The following CELSR1 variants were observed in gnomAD, a reference collection of about 807,000 sequenced individuals.
CELSR1 encodes adhesion G protein-coupled receptor C1.
In CELSR1, 110 loss-of-function variants were observed where a neutral mutation model predicts 249.1. The ratio of observed to expected loss-of-function variants is 0.44; its 90% CI spans 0.38 to 0.52. The LOEUF is 0.52. Ranked by LOEUF, CELSR1 falls within the 20% of genes least tolerant of loss-of-function variation. CELSR1 has a pLI of 0.00. For synonymous variants in CELSR1, 2,113 were observed against 1,900.0 expected (o/e 1.11, Z -2.92); for missense variants, 4,109 against 4,296.4 (o/e 0.96, Z 1.22).
rs1035012688 is a variant in CELSR1, at chr22:46,409,131, C to T, written c.5091G>A (p.Glu1697=). 2 of 1,613,510 alleles carry T rather than the reference C, an allele frequency of 1.2e-6. No homozygotes were observed. The highest frequency in any genetic ancestry group is 1.7e-6 in the Non-Finnish European group (2 of 1,179,806). Reference sequence around the variant, plus strand: ...TCAGGTCACTCCAGGACACGACGCTCTCACCGCTGAAGAGCTGGGGGTGAG... The same window carrying T: ...TCAGGTCACTCCAGGACACGACGCTTTCACCGCTGAAGAGCTGGGGGTGAG... The part of the protein sequence containing the change: ...AMPHPQLFSG[E]SVVSWSDLNI... The change falls in exon 9 of 35, where the codon GAG becomes GAA. Residue 1697 remains glutamate, a synonymous_variant. Coordinates refer to ENST00000674500, the MANE Select transcript of CELSR1 (RefSeq NM_001378328.1). The surrounding 1 kb of genome is among the most constrained non-coding windows in gnomAD (Gnocchi z 9.8).
chr22:46,508,899 C>T (rs755628062), intron 1 of CELSR1, among the ~76,000 whole-genome samples: 5 of 152,182 alleles, frequency 3.3e-5, no homozygotes, highest in South Asian at 2.1e-4. Flanking sequence ...CTGTTGTCTC[C>T]GCCAAGGCCA....
intron 1 of CELSR1, among the ~76,000 whole-genome samples, chr22:46,497,694 T>C (rs1033176950): frequency 5.3e-5 from 8 of 152,206 alleles, no homozygotes; most frequent in Non-Finnish European, 1.0e-4. Flanking sequence ...TCATGTTACA[T>C]GTTCTGGGCA....
At chr22:46,443,507 G>A (rs1241337331) in intron 2 of CELSR1, among the ~76,000 whole-genome samples, 1 of 152,232 alleles carries the variant, frequency 6.6e-6, no homozygotes, top group South Asian at 2.1e-4. Context: ...CCGCTATGGG[G>A]GTCAGCCCAC....
At chr22:46,501,182 G>A (rs867836296) in intron 1 of CELSR1, among the ~76,000 whole-genome samples, 1 of 146,702 alleles carries the variant, frequency 6.8e-6, no homozygotes, top group African/African-American at 2.6e-5. Context: ...ACAGGCACCC[G>A]CCATCATGCC....
Position 46,373,422 on chromosome 22 carries a change from G to C in CELSR1, c.7585-365C>G, listed in dbSNP as rs372340056. 3.3e-3 allele frequency among the ~76,000 whole-genome samples: 478 copies of C among 146,984 alleles called. 6 individuals carry two copies. The highest frequency in any genetic ancestry group is 0.012 in the African/African-American group (466 of 39,082). On this transcript the variant is annotated intron_variant, in intron 24 of 34. Transcript: ENST00000674500. ...TCACACCCAGTGCTCTGGGCGGGGCGGGGGGGCAGCTTCACACCCAGTGCT... is the reference window on the plus strand; with the variant it reads ...TCACACCCAGTGCTCTGGGCGGGGCCGGGGGGCAGCTTCACACCCAGTGCT...
rs2079344467 is a variant in CELSR1, at chr22:46,412,124, G to C, written c.4612-365C>G. On this transcript the variant is annotated intron_variant, in intron 5 of 34. Coordinates refer to ENST00000674500, the MANE Select transcript of CELSR1 (RefSeq NM_001378328.1). The surrounding 1 kb of genome is among the most constrained non-coding windows in gnomAD (Gnocchi z 4.5). ...CACAGGGAGAAGCTGCGTGACCGCG[G>C]AGGCAGCTGCTGGAGCAGCTGTTTA... 6.6e-6 allele frequency among the ~76,000 whole-genome samples: 1 copy of C among 152,220 alleles called. No individual in the cohort carries two copies. Among genetic ancestry groups the C allele is most frequent in the South Asian group, 2.1e-4 (1 of 4,830 alleles).
At chr22:46,528,860 C>T (rs948390816) in intron 1 of CELSR1, among the ~76,000 whole-genome samples, 5 of 150,244 alleles carry the variant, frequency 3.3e-5, no homozygotes, top group African/African-American at 7.4e-5. Flanking sequence ...ACCCGGGAGG[C>T]GGAGCTTGCA....
At position 46,384,631 on chromosome 22, in the gene CELSR1, T is replaced by TCG; in HGVS notation, c.6793_6794dup (p.Phe2266AspfsTer35). 6.2e-7 allele frequency: 1 copy of TCG among 1,613,730 alleles called. No homozygotes were observed. Among genetic ancestry groups the TCG allele is most frequent in the Non-Finnish European group, 8.5e-7 (1 of 1,179,882 alleles). Reference sequence around the variant, plus strand: ...GGAACTCTTCATGGATGGTGTCGAATCGCGGGACCCTGGCTCCCGTAAAGT... The same window carrying TCG: ...GGAACTCTTCATGGATGGTGTCGAATCGCGCGGGACCCTGGCTCCCGTAAAGT... On this transcript the variant is annotated frameshift_variant, in exon 20 of 35. Transcript: ENST00000674500. LOFTEE classifies it high-confidence loss of function.
Position 46,500,277 on chromosome 22 carries a change from C to T in CELSR1, c.3544+33350G>A, listed in dbSNP as rs1454358441. ...AGGAAGGGACATAACTGCGACAAAA[C>T]CCTGGCGCCCGGTTTTCAGCACCGC... On this transcript the variant is annotated intron_variant, in intron 1 of 34. Transcript: ENST00000674500. This position sits in a 1 kb window ranked among gnomAD's most constrained non-coding sequence, Gnocchi z 4.9. Among the ~76,000 whole-genome samples the T allele has an allele frequency of 6.6e-6, 1 of 152,144 alleles. No homozygotes were observed. Among genetic ancestry groups the T allele is most frequent in the Admixed American group, 6.6e-5 (1 of 15,266 alleles).
chr22:46,523,385 TGG>T (rs2080704741), intron 1 of CELSR1, among the ~76,000 whole-genome samples: 1 of 151,782 alleles, frequency 6.6e-6, no homozygotes, highest in African/African-American at 2.4e-5. Flanking sequence ...AAAAATTAGC[TGG>T]GTGTGGTAGC....
intron 24 of CELSR1, 123 bp from the exon 25 acceptor site, chr22:46,373,180 G>A: frequency 9.9e-7 from 1 of 1,015,162 alleles, no homozygotes; most frequent in Non-Finnish European, 1.4e-6. Flanking sequence ...TCTGTCCTCA[G>A]CTGAGCAGGG....
intron 17 of CELSR1, 123 bp from the exon 18 acceptor site, chr22:46,389,622 A>C: frequency 9.1e-7 from 1 of 1,104,926 alleles, no homozygotes; most frequent in Non-Finnish European, 1.3e-6. Flanking sequence ...ACTTTAAAAA[A>C]TCCAAAAGCC....
chr22:46,463,174 T>G (rs959018131), intron 2 of CELSR1, among the ~76,000 whole-genome samples: 3 of 152,164 alleles, frequency 2.0e-5, no homozygotes, highest in Admixed American at 6.5e-5. Flanking sequence ...GCAGGGAAAG[T>G]GAGTAAGCCG....
intron 3 of CELSR1, among the ~76,000 whole-genome samples, chr22:46,438,667 A>G (rs2079697023): frequency 6.6e-6 from 1 of 152,168 alleles, no homozygotes; most frequent in African/African-American, 2.4e-5. Context: ...GGTGGAGAGG[A>G]TAGTGGTGGT....
chr22:46,455,649 G>T (rs976467793), intron 2 of CELSR1, among the ~76,000 whole-genome samples: 2 of 152,178 alleles, frequency 1.3e-5, no homozygotes, highest in African/African-American at 4.8e-5. Flanking sequence ...TGTGCCGATC[G>T]GTTACAGCAG....
Position 46,363,257 on chromosome 22 carries a change from G to C in CELSR1, c.9036-10C>G. ...AGTTTCATTACTGCCTCTGCGCGTG[G>C]GAAGAAGCCAGCAAGCAGGTGAAGG... On this transcript the variant is annotated splice_polypyrimidine_tract_variant and intron_variant, in intron 34 of 34. Transcript: ENST00000674500. The surrounding 1 kb of genome is among the most constrained non-coding windows in gnomAD (Gnocchi z 4.3). 1 of 1,610,324 alleles carries C rather than the reference G, an allele frequency of 6.2e-7. No homozygotes were observed. The highest frequency in any genetic ancestry group is 1.1e-5 in the South Asian group (1 of 90,966).
At position 46,473,576 on chromosome 22, in the gene CELSR1, G is replaced by A. The variant is rs533033980; in HGVS notation, c.3545-9231C>T. 1.1e-4 allele frequency among the ~76,000 whole-genome samples: 17 copies of A among 152,234 alleles called. No individual in the cohort carries two copies. Among genetic ancestry groups the A allele is most frequent in the African/African-American group, 3.6e-4 (15 of 41,550 alleles). ...CACTCTCCCGTCACCAACGCCCCTC[G>A]AGGCCTGGTTAGGGCAGCCCATGAT... is the stretch of plus-strand genomic sequence containing the variant. On this transcript the variant is annotated intron_variant, in intron 1 of 34. Coordinates refer to ENST00000674500, the MANE Select transcript of CELSR1 (RefSeq NM_001378328.1). The surrounding 1 kb of genome is among the most constrained non-coding windows in gnomAD (Gnocchi z 6.6).
chr22:46,500,994 GTTTA>G lies in CELSR1; in HGVS notation c.3544+32629_3544+32632del, dbSNP rs981743658. Among the ~76,000 whole-genome samples, 99 of 151,750 alleles carry G rather than the reference GTTTA, an allele frequency of 6.5e-4. No individual in the cohort carries two copies. The highest frequency in any genetic ancestry group is 3.4e-3 in the Middle Eastern group (1 of 294). On this transcript the variant is annotated intron_variant, in intron 1 of 34. Coordinates refer to ENST00000674500, the MANE Select transcript of CELSR1 (RefSeq NM_001378328.1). This position sits in a 1 kb window ranked among gnomAD's most constrained non-coding sequence, Gnocchi z 4.9. ...TGTTAAGATGTTTCCACTAAGAAAA[GTTTA>G]TTTATTTATTTATTTTATTTTATTT...
chr22:46,398,575 G>A lies in CELSR1; in HGVS notation c.5475C>T (p.Gly1825=), dbSNP rs372062673. 81 of 1,613,740 alleles carry A rather than the reference G, an allele frequency of 5.0e-5. No homozygotes were observed. Among genetic ancestry groups the A allele is most frequent in the Admixed American group, 4.5e-4 (27 of 59,966 alleles). The change falls in exon 11 of 35, where the codon GGC becomes GGT. Residue 1825 remains glycine (G), a synonymous_variant. Coordinates refer to ENST00000674500, the MANE Select transcript of CELSR1 (RefSeq NM_001378328.1). The surrounding 1 kb of genome is among the most constrained non-coding windows in gnomAD (Gnocchi z 7.2). ...GLTVRSVVVG[G]ASEDKVSVRR... Reference sequence around the variant, plus strand: ...GCACGGAGACCTTGTCTTCAGAGGCGCCTCCGACCACCACGCTCCTTACCG... The same window carrying A: ...GCACGGAGACCTTGTCTTCAGAGGCACCTCCGACCACCACGCTCCTTACCG...
Sources: gnomAD v4.1 joint callset for allele counts (sites outside exome capture counted in the v4.1 genomes callset) on GRCh38, gnomAD v4.1.1 for gene constraint, Gnocchi (gnomAD v3.1) non-coding constraint, MANE v1.5 for transcripts, NCBI Gene and HGNC (gene_info 2026-07-23, HGNC 2026-07-21) for gene names.